The following SPATA21 variants were observed in gnomAD, a reference collection of about 807,000 sequenced individuals.
SPATA21 encodes the protein spermatogenesis associated 21.
Under a neutral mutation model 54.8 loss-of-function variants are expected in SPATA21, and 47 were observed. The ratio of observed to expected loss-of-function variants is 0.86; its 90% confidence interval spans 0.68 to 1.09. The LOEUF (loss-of-function observed/expected upper bound fraction) is 1.09. Ranked by LOEUF, SPATA21 falls within the 50% of genes least tolerant of loss-of-function variation. SPATA21 has a pLI of 0.00. For missense variants in SPATA21, 599 were observed against 596.4 expected (o/e 1.00, Z -0.05); for synonymous variants, 245 against 235.3 (o/e 1.04, Z -0.38).
At chr1:16,427,787 T>TTC (rs142680373) in intron 3 of SPATA21, 17 of 1,446,582 alleles carry the variant, frequency 1.2e-5, no homozygotes, top group South Asian at 2.7e-5. Flanking sequence ...GAGTTCTCCA[T>TTC]TCTCTCTCTC....
rs750940363 is a variant in SPATA21 at position 16,409,827 on chromosome 1, G to T, written c.361C>A (p.Pro121Thr). 4 of 1,598,792 alleles carry T rather than the reference G, an allele frequency of 2.5e-6. No individual in the cohort carries two copies. Among genetic ancestry groups the T allele is most frequent in the South Asian group, 2.3e-5 (2 of 88,526 alleles). ...QKSPRTLTPV[P>T]TSAPSLPQTP... The stretch of plus-strand genomic sequence containing the variant: ...TGAGGCAGGCTTGGAGCTGAGGTGG[G>T]CACCGGGGTCAGGGTCCTGGGCGAC... Residue 121 changes from proline to threonine, a missense_variant, in exon 6 of 13, where the codon CCC becomes ACC. Pro to Thr is a conservative substitution (Grantham distance 38). Transcript: ENST00000335496. The surrounding 1 kb of genome is among the most constrained non-coding windows in gnomAD (Gnocchi z 4.1).
At chr1:16,424,258 A>G (rs1240434156) in intron 3 of SPATA21, among the ~76,000 whole-genome samples, 3 of 14,188 alleles carry the variant, frequency 2.1e-4, no homozygotes, top group Admixed American at 7.4e-4. Flanking sequence ...GCTTGCAGTG[A>G]GCCGAGATTG....
chr1:16,405,737 G>A (rs545442493), intron 7 of SPATA21, among the ~76,000 whole-genome samples: 8 of 152,182 alleles, frequency 5.3e-5, no homozygotes, highest in South Asian at 2.1e-4. Context: ...CCTTTGTATC[G>A]GTGCTGCTCT....
downstream of SPATA21, chr1:16,398,542 C>T (rs147288757): frequency 9.4e-5 from 53 of 564,298 alleles, no homozygotes; most frequent in African/African-American, 9.1e-4. Context: ...AGCAGAAATC[C>T]CAACCCCGCG....
At chr1:16,433,052 C>A (rs1002197511) in intron 1 of SPATA21, 128 bp from the exon 2 acceptor site, 8 of 152,266 alleles carry the variant, frequency 5.3e-5, no homozygotes, top group Non-Finnish European at 1.2e-4. Flanking sequence ...CTCATCATAT[C>A]ATTTTGCCTA....
At chr1:16,423,539 CTTTT>C (rs966239575) in intron 3 of SPATA21, among the ~76,000 whole-genome samples, 2 of 111,658 alleles carry the variant, frequency 1.8e-5, no homozygotes, top group East Asian at 2.1e-4. Flanking sequence ...TCTCTCTCTC[CTTTT>C]TTTTTTTTTT....
downstream of SPATA21, chr1:16,398,629 A>G (rs1480465231): frequency 3.2e-6 from 3 of 949,364 alleles, no homozygotes; most frequent in African/African-American, 1.6e-5. Flanking sequence ...TTTCTTGGCA[A>G]GAGGCACAGA....
At chr1:16,435,410 G>T (rs1032056293) in intron 1 of SPATA21, among the ~76,000 whole-genome samples, 2 of 151,724 alleles carry the variant, frequency 1.3e-5, no homozygotes, top group African/African-American at 4.8e-5. Context: ...TCCGTCTCCC[G>T]TGTCCATGCA....
Position 16,409,429 on chromosome 1 carries a change from G to A in SPATA21, c.587+172C>T, listed in dbSNP as rs947858100. On this transcript the variant is annotated intron_variant, in intron 6 of 12. Coordinates refer to ENST00000335496, the MANE Select transcript of SPATA21 (RefSeq NM_198546.1). The surrounding 1 kb of genome is among the most constrained non-coding windows in gnomAD (Gnocchi z 4.1). Reference sequence around the variant, plus strand: ...GGGAGTTAGAAAAGGGGTCAGAAGTGGGAGAGGAGGCAGAGACATGGGAGA... The same window carrying A: ...GGGAGTTAGAAAAGGGGTCAGAAGTAGGAGAGGAGGCAGAGACATGGGAGA... Among the ~76,000 whole-genome samples the A allele has an allele frequency of 6.6e-6, 1 of 152,218 alleles. No homozygotes were observed. Among genetic ancestry groups the A allele is most frequent in the Non-Finnish European group, 1.5e-5 (1 of 68,040 alleles).
At chr1:16,418,202 T>C (rs939873706) in intron 5 of SPATA21, among the ~76,000 whole-genome samples, 1 of 152,222 alleles carries the variant, frequency 6.6e-6, no homozygotes, top group Non-Finnish European at 1.5e-5. Context: ...ACGCTTTGCA[T>C]GGGGTAGGGA....
At position 16,409,249 on chromosome 1, in the gene SPATA21, C is replaced by A. The variant is rs769967458; in HGVS notation, c.588-46G>T. On this transcript the variant is annotated intron_variant, in intron 6 of 12. Transcript: ENST00000335496. This position sits in a 1 kb window ranked among gnomAD's most constrained non-coding sequence, Gnocchi z 4.1. ...ACCCAGGGCAACATCCGGCCGCCCACCCTGCTGATAGCTAGGGGAGGGGTT... is the reference window on the plus strand; with the variant it reads ...ACCCAGGGCAACATCCGGCCGCCCAACCTGCTGATAGCTAGGGGAGGGGTT... 9.3e-6 allele frequency: 15 copies of A among 1,607,540 alleles called. No individual in the cohort carries two copies. In the African/African-American group the frequency reaches 1.7e-4, roughly 19 times the overall value.
In SPATA21 at chr1:16,404,960, C is replaced by CA. The variant is rs1557646084; in HGVS notation, c.811+6dup. On this transcript the variant is annotated splice_region_variant and intron_variant, in intron 8 of 12. Transcript: ENST00000335496. Reference sequence around the variant, plus strand: ...TGGGATGCAGAGTGGAGCCCTCTGCCACTCACCATTGACATCAGCACTCAT... The same window carrying CA: ...TGGGATGCAGAGTGGAGCCCTCTGCCAACTCACCATTGACATCAGCACTCAT... The CA allele has an allele frequency of 6.4e-7, 1 of 1,563,128 alleles. No homozygotes were observed. The highest frequency in any genetic ancestry group is 8.6e-7 in the Non-Finnish European group (1 of 1,160,272).
At chr1:16,402,541 A>T (rs563234616) in intron 10 of SPATA21, among the ~76,000 whole-genome samples, 11 of 147,108 alleles carry the variant, frequency 7.5e-5, no homozygotes, top group East Asian at 2.3e-4. Context: ...GATTACAGGC[A>T]TGAGCCACCA....
chr1:16,432,037 T>A (rs1031908735), intron 2 of SPATA21, among the ~76,000 whole-genome samples: 1 of 152,024 alleles, frequency 6.6e-6, no homozygotes, highest in Admixed American at 6.6e-5. Flanking sequence ...AGCGGCAATC[T>A]GCAGTTCACC....
At chr1:16,432,049 A>G (rs1335715719) in intron 2 of SPATA21, among the ~76,000 whole-genome samples, 1 of 151,484 alleles carries the variant, frequency 6.6e-6, no homozygotes, top group Non-Finnish European at 1.5e-5. Context: ...CAGTTCACCA[A>G]AGCACCCACA....
chr1:16,416,662 CAG>C (rs1305191714), intron 5 of SPATA21, among the ~76,000 whole-genome samples: 1 of 139,914 alleles, frequency 7.1e-6, no homozygotes, highest in Admixed American at 7.4e-5. Flanking sequence ...GCCTGGGCGA[CAG>C]AGAGAGACTC....
rs1248466439 is a variant in SPATA21 at position 16,421,834 on chromosome 1, TA to T, written c.95+76del. 1.1e-5 allele frequency: 18 copies of T among 1,607,714 alleles called. No individual in the cohort carries two copies. Among genetic ancestry groups the T allele is most frequent in the Non-Finnish European group, 1.5e-5 (18 of 1,174,698 alleles). ...CTACCAGGTCAGGAGCAGTCTGGAC[TA>T]GAATTCACCCCACCTGAAACTCAGC... On this transcript the variant is annotated intron_variant, in intron 4 of 12. Coordinates refer to ENST00000335496, the MANE Select transcript of SPATA21 (RefSeq NM_198546.1). The surrounding 1 kb of genome is among the most constrained non-coding windows in gnomAD (Gnocchi z 5.2).
At chr1:16,412,937 C>T (rs1253654252) in intron 5 of SPATA21, among the ~76,000 whole-genome samples, 1 of 152,198 alleles carries the variant, frequency 6.6e-6, no homozygotes, top group Non-Finnish European at 1.5e-5. Context: ...GTGTGCACTA[C>T]CATACCCGGC....
At chr1:16,417,181 C>T (rs2086032898) in intron 5 of SPATA21, among the ~76,000 whole-genome samples, 3 of 152,150 alleles carry the variant, frequency 2.0e-5, no homozygotes, top group Non-Finnish European at 4.4e-5. Flanking sequence ...CCCTCTCCAT[C>T]GTCACTTTTC....
Sources: gnomAD v4.1 joint callset for allele counts (sites outside exome capture counted in the v4.1 genomes callset) on GRCh38, gnomAD v4.1.1 for gene constraint, Gnocchi (gnomAD v3.1) non-coding constraint, MANE v1.5 for transcripts, NCBI Gene and HGNC (gene_info 2026-07-23, HGNC 2026-07-21) for gene names.